The following CNTNAP4 variants were observed in gnomAD, a reference collection of about 807,000 sequenced individuals.
CNTNAP4 encodes contactin associated protein family member 4, also known as contactin-associated protein-like 4.
In CNTNAP4, 98 loss-of-function variants were observed where a neutral mutation model predicts 148.4. The ratio of observed to expected loss-of-function variants is 0.66; its 90% CI spans 0.56 to 0.78. The LOEUF (loss-of-function observed/expected upper bound fraction) is 0.78. Among genes scored for constraint, CNTNAP4 ranks in the 30% least tolerant of loss-of-function variants. The pLI is 0.00. For missense variants in CNTNAP4, 1,935 were observed against 1,565.6 expected, an observed-to-expected ratio of 1.24 and a Z score of -3.98; for synonymous variants, 730 against 565.1, an observed-to-expected ratio of 1.29 and a Z score of -4.14.
At chr16:76,404,834 T>G (rs115386933) in intron 3 of CNTNAP4, among the ~76,000 whole-genome samples, 2,149 of 152,222 alleles carry the variant, frequency 0.014, 49 homozygotes, top group African/African-American at 0.049. Context: ...TTAATAATAA[T>G]GTACTGTATA....
intron 1 of CNTNAP4, among the ~76,000 whole-genome samples, chr16:76,288,096 C>T (rs1958960543): frequency 1.3e-5 from 2 of 152,026 alleles, no homozygotes; most frequent in African/African-American, 4.8e-5. Flanking sequence ...GATAATTGAA[C>T]CATGGGGGCG....
intron 11 of CNTNAP4, 128 bp from the exon 12 acceptor site, chr16:76,479,291 G>A: frequency 1.6e-6 from 1 of 635,474 alleles, no homozygotes; most frequent in Non-Finnish European, 2.4e-6. Context: ...TTTAAAGTAA[G>A]TTTTGCCTTT....
intron 12 of CNTNAP4, among the ~76,000 whole-genome samples, chr16:76,488,428 G>A (rs1478798628): frequency 1.3e-5 from 2 of 152,126 alleles, no homozygotes; most frequent in African/African-American, 2.4e-5. Context: ...ACACATGGAA[G>A]GCAATAATTC....
intron 2 of CNTNAP4, among the ~76,000 whole-genome samples, chr16:76,346,852 C>G (rs936802900): frequency 2.0e-5 from 3 of 152,036 alleles, no homozygotes; most frequent in African/African-American, 7.2e-5. Flanking sequence ...ATTTACTTTT[C>G]AAAGCACTGC....
chr16:76,405,763 T>G (rs1229542982), intron 3 of CNTNAP4, among the ~76,000 whole-genome samples: 1 of 151,888 alleles, frequency 6.6e-6, no homozygotes, highest in Non-Finnish European at 1.5e-5. Flanking sequence ...AACCATGAGG[T>G]TCAGGGGTCA....
chr16:76,457,556 C>T (rs2080782175), intron 8 of CNTNAP4, among the ~76,000 whole-genome samples: 1 of 152,132 alleles, frequency 6.6e-6, no homozygotes, highest in Non-Finnish European at 1.5e-5. Flanking sequence ...CAGTAGGCCT[C>T]CCCAAGCCTT....
intron 3 of CNTNAP4, among the ~76,000 whole-genome samples, chr16:76,378,910 C>T (rs1487770469): frequency 6.6e-6 from 1 of 152,168 alleles, no homozygotes; most frequent in Non-Finnish European, 1.5e-5. Flanking sequence ...GGTGAAGAAA[C>T]TTTATGTATC....
chr16:76,530,439 A>G (rs1170594690), intron 17 of CNTNAP4, among the ~76,000 whole-genome samples: 2 of 152,182 alleles, frequency 1.3e-5, no homozygotes, highest in African/African-American at 2.4e-5. Context: ...CTTAGCGATC[A>G]TTGACTGAGG....
intron 2 of CNTNAP4, among the ~76,000 whole-genome samples, chr16:76,324,932 G>A (rs1962814193): frequency 6.6e-6 from 1 of 152,206 alleles, no homozygotes; most frequent in Non-Finnish European, 1.5e-5. Flanking sequence ...GCTTCAGCCT[G>A]TGAATTTTGT....
intron 10 of CNTNAP4, among the ~76,000 whole-genome samples, chr16:76,475,231 C>T (rs2081526460): frequency 2.0e-5 from 3 of 152,112 alleles, no homozygotes; most frequent in African/African-American, 7.2e-5. Flanking sequence ...ATTGATTTCA[C>T]ATGGTACTTG....
rs2084290873 is a variant in CNTNAP4 at position 76,538,133 on chromosome 16, G to A, written c.3013G>A (p.Gly1005Arg). The change falls in exon 19 of 24, where the codon GGA (glycine) becomes AGA (arginine). Residue 1005 changes from glycine (G) to arginine (R), a missense_variant. Transcript: ENST00000611870. ...FCSNEISAYF[G>R]SGSSVIYNFQ... ...TATTTCAGAGATTTCTGCATATTTT[G>A]GATCTGGCTCATCCGTGATATACAA... 1.3e-6 allele frequency: 2 copies of A among 1,481,620 alleles called. No individual in the cohort carries two copies. The highest frequency in any genetic ancestry group is 1.8e-6 in the Non-Finnish European group (2 of 1,111,464). The allele number at this position is 1,481,620 out of a possible 1,614,324, so 91.8% of individuals were successfully genotyped here.
At chr16:76,342,526 G>T (rs2144361996) in intron 2 of CNTNAP4, among the ~76,000 whole-genome samples, 1 of 129,634 alleles carries the variant, frequency 7.7e-6, no homozygotes, top group East Asian at 2.2e-4. Context: ...AGGTTGGAGT[G>T]CAGTGGTGCA....
chr16:76,315,228 G>T (rs1405437461), intron 1 of CNTNAP4, among the ~76,000 whole-genome samples: 1 of 152,014 alleles, frequency 6.6e-6, no homozygotes, highest in Admixed American at 6.6e-5. Context: ...ATGTCTCCTG[G>T]TGCACAAATG....
At chr16:76,328,497 A>T (rs1312435073) in intron 2 of CNTNAP4, among the ~76,000 whole-genome samples, 1 of 152,252 alleles carries the variant, frequency 6.6e-6, no homozygotes, top group Admixed American at 6.5e-5. Flanking sequence ...CATGAAATGA[A>T]CATGATGTAA....
In CNTNAP4 at chr16:76,530,507, A is replaced by G. The variant is rs80037878; in HGVS notation, c.2756-5038A>G. 2.0e-5 allele frequency among the ~76,000 whole-genome samples: 3 copies of G among 152,282 alleles called. No individual in the cohort carries two copies. The East Asian group carries it at 5.8e-4, about 30-fold the overall frequency. On this transcript the variant is annotated intron_variant, in intron 17 of 23. Transcript: ENST00000611870. ...GAATGTGATTATTCATCAGTGAACAACAGCTGATTTCTCTAAAATAGGCCT... is the reference window on the plus strand; with the variant it reads ...GAATGTGATTATTCATCAGTGAACAGCAGCTGATTTCTCTAAAATAGGCCT...
At chr16:76,364,360 G>A (rs1056827355) in intron 3 of CNTNAP4, among the ~76,000 whole-genome samples, 3 of 150,502 alleles carry the variant, frequency 2.0e-5, no homozygotes, top group African/African-American at 7.3e-5. Context: ...GGATCTGTTT[G>A]TAAGCAAGCA....
intron 15 of CNTNAP4, among the ~76,000 whole-genome samples, chr16:76,511,271 CT>C (rs1339757228): frequency 5.9e-5 from 9 of 152,106 alleles, no homozygotes; most frequent in Admixed American, 5.9e-4. Context: ...GAAAAGATTG[CT>C]GTAAGTTTCT....
At chr16:76,535,325 T>C (rs369208411) in intron 17 of CNTNAP4, among the ~76,000 whole-genome samples, 1 of 152,150 alleles carries the variant, frequency 6.6e-6, no homozygotes, top group African/African-American at 2.4e-5. Context: ...TCAATAAATA[T>C]TTTTTAGAAA....
intron 3 of CNTNAP4, among the ~76,000 whole-genome samples, chr16:76,419,928 A>G (rs1384560726): frequency 1.3e-5 from 2 of 152,034 alleles, no homozygotes; most frequent in Non-Finnish European, 2.9e-5. Context: ...GCCCCACCTC[A>G]TGACCTTATC....
Sources: allele counts gnomAD v4.1 joint callset (sites outside exome capture counted in the v4.1 genomes callset), GRCh38; gene constraint gnomAD v4.1.1; transcripts MANE v1.5; gene names NCBI Gene and HGNC (gene_info 2026-07-23, HGNC 2026-07-21).